The following WDR70 variants were observed in gnomAD, a reference collection of about 807,000 sequenced individuals.
WDR70 encodes the protein WD repeat-containing protein 70.
A neutral mutation model predicts 88.6 loss-of-function variants in WDR70; 53 were observed. The ratio of observed to expected loss-of-function variants is 0.60; its 90% CI spans 0.48 to 0.75. The LOEUF is 0.75. WDR70 is among the 30% of genes least tolerant of loss of function. WDR70 has a pLI of 0.00. For synonymous variants in WDR70, 280 were observed against 270.0 expected (o/e 1.04, Z -0.36); for missense variants, 610 against 823.2 (o/e 0.74, Z 3.17).
intron 8 of WDR70, among the ~76,000 whole-genome samples, chr5:37,490,993 C>T (rs187048976): frequency 1.3e-5 from 2 of 152,194 alleles, no homozygotes; most frequent in East Asian, 1.9e-4. Context: ...CTCTCAAATT[C>T]GTGCCATGCT....
At chr5:37,440,705 A>C (rs1263309863) in intron 6 of WDR70, among the ~76,000 whole-genome samples, 1 of 152,194 alleles carries the variant, frequency 6.6e-6, no homozygotes, top group Admixed American at 6.5e-5. Flanking sequence ...TAAATGATGA[A>C]TCATATATAC....
chr5:37,731,650 A>G (rs1362528539), intron 17 of WDR70, among the ~76,000 whole-genome samples: 1 of 152,130 alleles, frequency 6.6e-6, no homozygotes, highest in African/African-American at 2.4e-5. Context: ...ATTTGTCAAG[A>G]AAACAGTCAT....
chr5:37,595,290 T>G (rs1268308023), intron 9 of WDR70, among the ~76,000 whole-genome samples: 1 of 152,200 alleles, frequency 6.6e-6, no homozygotes, highest in Non-Finnish European at 1.5e-5. Context: ...TATGAGTCAA[T>G]TTTATTTCTG....
intron 13 of WDR70, among the ~76,000 whole-genome samples, chr5:37,720,226 T>C (rs1581525578): frequency 6.6e-5 from 10 of 152,176 alleles, no homozygotes; most frequent in Admixed American, 6.5e-4. Context: ...TGACAAGTGA[T>C]AGATTATTAA....
In WDR70 at chr5:37,597,811, A is replaced by T. The variant is rs72740954; in HGVS notation, c.918-7253A>T. On this transcript the variant is annotated intron_variant, in intron 9 of 17. Coordinates refer to ENST00000265107, the MANE Select transcript of WDR70 (RefSeq NM_018034.4). ...GCTAAATAAACCTATTTTCTTTACA[A>T]ATTACCCAGCCACAGATATTTGTTA... 4.4e-3 allele frequency among the ~76,000 whole-genome samples: 675 copies of T among 152,306 alleles called. 4 individuals carry two copies. Among genetic ancestry groups the T allele is most frequent in the Middle Eastern group, 0.01 (3 of 294 alleles).
In WDR70 at chr5:37,380,552, C is replaced by T. The variant is rs182603490; in HGVS notation, c.91+998C>T. Among the ~76,000 whole-genome samples the T allele has an allele frequency of 3.9e-5, 6 of 152,182 alleles. No homozygotes were observed. The East Asian group carries it at 1.2e-3, about 29-fold the overall frequency. ...AGAGACAGGGTTTCACCGTGTTAGC[C>T]AGGATGATCTCGATCTCCTGACCTC... On this transcript the variant is annotated intron_variant, in intron 2 of 17. Coordinates refer to ENST00000265107, the MANE Select transcript of WDR70 (RefSeq NM_018034.4).
At chr5:37,467,769 T>G (rs1045291597) in intron 7 of WDR70, among the ~76,000 whole-genome samples, 1 of 151,888 alleles carries the variant, frequency 6.6e-6, no homozygotes, top group Non-Finnish European at 1.5e-5. Context: ...CAGGCCGGAC[T>G]GCAGTGGCGC....
intron 9 of WDR70, among the ~76,000 whole-genome samples, chr5:37,586,196 T>C (rs1342970296): frequency 6.6e-6 from 1 of 152,158 alleles, no homozygotes; most frequent in Non-Finnish European, 1.5e-5. Flanking sequence ...TGTACTTAAA[T>C]AGCATTTTAT....
At chr5:37,496,181 G>A (rs190323612) in intron 8 of WDR70, among the ~76,000 whole-genome samples, 313 of 152,258 alleles carry the variant, frequency 2.1e-3, no homozygotes, top group African/African-American at 7.0e-3. Context: ...CTGTAAAATG[G>A]ACCAATCAGC....
At chr5:37,667,699 A>C (rs1306605380) in intron 10 of WDR70, among the ~76,000 whole-genome samples, 1 of 152,154 alleles carries the variant, frequency 6.6e-6, no homozygotes, top group Non-Finnish European at 1.5e-5. Context: ...GAACAGTTGC[A>C]ACAGAGTCTG....
chr5:37,502,141 T>G (rs528151736), intron 8 of WDR70, among the ~76,000 whole-genome samples: 1 of 152,314 alleles, frequency 6.6e-6, no homozygotes, highest in East Asian at 1.9e-4. Flanking sequence ...CTTGTAGAGA[T>G]CTTTTACCTC....
At chr5:37,718,494 G>A (rs1728722716) in intron 13 of WDR70, among the ~76,000 whole-genome samples, 1 of 152,078 alleles carries the variant, frequency 6.6e-6, no homozygotes, top group African/African-American at 2.4e-5. Context: ...CTCTAATACT[G>A]TGCCCTTAAT....
intron 11 of WDR70, among the ~76,000 whole-genome samples, chr5:37,700,116 G>T (rs952322125): frequency 6.6e-6 from 1 of 152,084 alleles, no homozygotes; most frequent in Non-Finnish European, 1.5e-5. Flanking sequence ...AGGAAGCTTC[G>T]CTGTAAAAAT....
At chr5:37,747,396 G>A (rs578045085) in intron 17 of WDR70, among the ~76,000 whole-genome samples, 1 of 151,854 alleles carries the variant, frequency 6.6e-6, no homozygotes, top group Admixed American at 6.6e-5. Flanking sequence ...GGAAAAATAG[G>A]AACACTTTGA....
chr5:37,610,294 T>C (rs1016668205), intron 10 of WDR70, among the ~76,000 whole-genome samples: 6 of 152,080 alleles, frequency 3.9e-5, no homozygotes, highest in African/African-American at 1.4e-4. Context: ...AATTTGTTTT[T>C]ATGTAGAGAG....
chr5:37,455,073 T>C (rs746783671), intron 7 of WDR70, among the ~76,000 whole-genome samples: 1 of 152,192 alleles, frequency 6.6e-6, no homozygotes, highest in Non-Finnish European at 1.5e-5. Flanking sequence ...GCTCACCTAG[T>C]ATTTATTTAA....
intron 10 of WDR70, among the ~76,000 whole-genome samples, chr5:37,633,884 G>C (rs1737523666): frequency 6.6e-6 from 1 of 152,144 alleles, no homozygotes; most frequent in South Asian, 2.1e-4. Context: ...ATATAGGGCT[G>C]TGTGTATGTT....
intron 5 of WDR70, among the ~76,000 whole-genome samples, chr5:37,407,993 A>G (rs1317184688): frequency 6.6e-6 from 1 of 152,188 alleles, no homozygotes; most frequent in Non-Finnish European, 1.5e-5. Flanking sequence ...CTTAAACAAG[A>G]TAGAAGTCTT....
intron 7 of WDR70, among the ~76,000 whole-genome samples, chr5:37,443,730 G>A (rs1429109090): frequency 2.6e-5 from 4 of 152,134 alleles, no homozygotes; most frequent in Admixed American, 6.5e-5. Context: ...GCGCATGCCT[G>A]TAATCCAGCT....
Sources: gnomAD v4.1 joint callset for allele counts (sites outside exome capture counted in the v4.1 genomes callset) on GRCh38, gnomAD v4.1.1 for gene constraint, MANE v1.5 for transcripts, NCBI Gene and HGNC (gene_info 2026-07-23, HGNC 2026-07-21) for gene names.